Variants in LDB2 observed in about 807,000 individuals in gnomAD.
LDB2 encodes the protein LIM domain binding 2.
A neutral mutation model predicts 44.3 loss-of-function variants in LDB2; 12 were observed. The observed-to-expected ratio is 0.27, with a 90% CI of 0.17 to 0.44. The LOEUF is 0.44. LDB2 is among the 20% of genes least tolerant of loss of function. The pLI is 1.00. For synonymous variants in LDB2, 164 were observed against 174.8 expected, an observed-to-expected ratio of 0.94 and a Z score of 0.49; for missense variants, 344 against 473.5, an observed-to-expected ratio of 0.73 and a Z score of 2.54.
chr4:16,548,116 G>C (rs932955778), intron 5 of LDB2, among the ~76,000 whole-genome samples: 1 of 151,924 alleles, frequency 6.6e-6, no homozygotes, highest in East Asian at 1.9e-4. Context: ...GAGCCACTGT[G>C]CCTGGCCTCA....
intron 2 of LDB2, among the ~76,000 whole-genome samples, chr4:16,752,792 C>T (rs751474196): frequency 2.0e-5 from 3 of 151,954 alleles, no homozygotes; most frequent in African/African-American, 4.8e-5. Flanking sequence ...TCTCACATGC[C>T]TAACATCTGG....
Position 16,805,502 on chromosome 4 carries a change from A to G in LDB2, c.133-46242T>C, listed in dbSNP as rs139170388. On this transcript the variant is annotated intron_variant, in intron 1 of 7. Coordinates refer to ENST00000304523, the MANE Select transcript of LDB2 (RefSeq NM_001290.5). ...GGTGTCCAGTGTCTCCTGGGGAGGA[A>G]GAGGTGGAGAACAATGCACAGGCTC... 2.1e-3 allele frequency among the ~76,000 whole-genome samples: 318 copies of G among 152,312 alleles called. 3 individuals carry two copies. The highest frequency in any genetic ancestry group is 6.8e-3 in the Middle Eastern group (2 of 294).
intron 5 of LDB2, among the ~76,000 whole-genome samples, chr4:16,541,256 C>T (rs1012558525): frequency 1.3e-5 from 2 of 152,106 alleles, no homozygotes; most frequent in African/African-American, 2.4e-5. Flanking sequence ...CCACTTGGTG[C>T]TGTCCATAGT....
intron 2 of LDB2, among the ~76,000 whole-genome samples, chr4:16,608,057 A>G (rs1467717292): frequency 6.6e-6 from 1 of 152,088 alleles, no homozygotes; most frequent in Non-Finnish European, 1.5e-5. Context: ...ACTTTAAAAG[A>G]TTCATTTTTA....
At chr4:16,877,876 G>A (rs1264330746) in intron 1 of LDB2, among the ~76,000 whole-genome samples, 1 of 152,154 alleles carries the variant, frequency 6.6e-6, no homozygotes, top group African/African-American at 2.4e-5. Context: ...TAGGGAAAAG[G>A]AAGACAAACC....
intron 1 of LDB2, among the ~76,000 whole-genome samples, chr4:16,794,999 A>G (rs1001260667): frequency 3.3e-5 from 5 of 152,228 alleles, no homozygotes; most frequent in Non-Finnish European, 7.3e-5. Flanking sequence ...GACACAACCT[A>G]GTAGACAATC....
chr4:16,666,283 A>G (rs1300878311), intron 2 of LDB2, among the ~76,000 whole-genome samples: 1 of 152,216 alleles, frequency 6.6e-6, no homozygotes, highest in Non-Finnish European at 1.5e-5. Flanking sequence ...ACACGGGAGC[A>G]ATAATCAAGA....
intron 2 of LDB2, among the ~76,000 whole-genome samples, chr4:16,671,052 T>A (rs1044881500): frequency 6.6e-6 from 1 of 151,196 alleles, no homozygotes; most frequent in Admixed American, 6.6e-5. Flanking sequence ...GATCTTTAAC[T>A]GGATGATATT....
At chr4:16,757,170 C>T (rs915100689) in intron 2 of LDB2, among the ~76,000 whole-genome samples, 9 of 152,262 alleles carry the variant, frequency 5.9e-5, no homozygotes, top group Non-Finnish European at 1.0e-4. Context: ...AAACAGTGCA[C>T]GTCAGGCGTT....
intron 2 of LDB2, among the ~76,000 whole-genome samples, chr4:16,606,470 T>G (rs1039291345): frequency 1.3e-5 from 2 of 152,222 alleles, no homozygotes; most frequent in Non-Finnish European, 2.9e-5. Context: ...CCCACAACTT[T>G]CACCAACACT....
In LDB2 at chr4:16,741,174, G is replaced by A. The variant is rs117063944; in HGVS notation, c.235+17984C>T. Among the ~76,000 whole-genome samples, 39 of 152,320 alleles carry A rather than the reference G, an allele frequency of 2.6e-4. No individual in the cohort carries two copies. In the East Asian group the frequency reaches 6.0e-3, roughly 23 times the overall value. On this transcript the variant is annotated intron_variant, in intron 2 of 7. Coordinates refer to ENST00000304523, the MANE Select transcript of LDB2 (RefSeq NM_001290.5). Reference sequence around the variant, plus strand: ...TCTGCCTGTCATTCTGGGGCAGATCGTCGCATTTTGGAAAACTGTTGTTTT... The same window carrying A: ...TCTGCCTGTCATTCTGGGGCAGATCATCGCATTTTGGAAAACTGTTGTTTT...
At chr4:16,731,919 A>T (rs1760850014) in intron 2 of LDB2, among the ~76,000 whole-genome samples, 1 of 152,140 alleles carries the variant, frequency 6.6e-6, no homozygotes, top group South Asian at 2.1e-4. Flanking sequence ...TCTGAGGCAA[A>T]TCCACCACCT....
At chr4:16,844,062 G>A (rs1424793415) in intron 1 of LDB2, among the ~76,000 whole-genome samples, 1 of 147,926 alleles carries the variant, frequency 6.8e-6, no homozygotes, top group Non-Finnish European at 1.5e-5. Flanking sequence ...AGACCAGTCT[G>A]GGCAACATAG....
chr4:16,595,788 T>C lies in LDB2; in HGVS notation c.323A>G (p.Lys108Arg). ...TDLYYILKHS[K>R]ESYHNSSITV... ...GATGGATGAGTTGTGGTATGACTCT[T>C]TCGAGTGTTTGAGAATGTAATACAG... is the stretch of plus-strand genomic sequence containing the variant. Residue 108 changes from lysine to arginine, a missense_variant, in exon 3 of 8, where the codon AAA becomes AGA. Physicochemically the swap from Lys to Arg is conservative, Grantham distance 26. Coordinates refer to ENST00000304523, the MANE Select transcript of LDB2 (RefSeq NM_001290.5). 6.2e-7 allele frequency: 1 copy of C among 1,613,762 alleles called. No homozygotes were observed. Among genetic ancestry groups the C allele is most frequent in the Non-Finnish European group, 8.5e-7 (1 of 1,179,870 alleles).
At chr4:16,675,307 G>A (rs1452037509) in intron 2 of LDB2, among the ~76,000 whole-genome samples, 3 of 152,096 alleles carry the variant, frequency 2.0e-5, no homozygotes, top group Non-Finnish European at 2.9e-5. Flanking sequence ...TTAATTCTAT[G>A]CAATTTTATC....
chr4:16,808,820 T>C (rs1779253566), intron 1 of LDB2, among the ~76,000 whole-genome samples: 1 of 152,172 alleles, frequency 6.6e-6, no homozygotes, highest in African/African-American at 2.4e-5. Context: ...ATTACACGCA[T>C]TAGTACAGCA....
chr4:16,572,301 A>G (rs944536407), intron 5 of LDB2, among the ~76,000 whole-genome samples: 1 of 152,184 alleles, frequency 6.6e-6, no homozygotes, highest in African/African-American at 2.4e-5. Flanking sequence ...TCTGAGCTCC[A>G]TCTGCACTTA....
At chr4:16,686,459 G>A (rs540099401) in intron 2 of LDB2, among the ~76,000 whole-genome samples, 53 of 152,320 alleles carry the variant, frequency 3.5e-4, no homozygotes, top group African/African-American at 1.3e-3. Flanking sequence ...GAAAGACTAC[G>A]TGACCTCACA....
intron 5 of LDB2, among the ~76,000 whole-genome samples, chr4:16,558,017 A>T (rs1373121642): frequency 6.6e-6 from 1 of 152,232 alleles, no homozygotes; most frequent in African/African-American, 2.4e-5. Context: ...TGTCTGTTAG[A>T]AGGAAAACTA....
Sources: gnomAD v4.1 joint callset for allele counts (sites outside exome capture counted in the v4.1 genomes callset) on GRCh38, gnomAD v4.1.1 for gene constraint, MANE v1.5 for transcripts, NCBI Gene and HGNC (gene_info 2026-07-23, HGNC 2026-07-21) for gene names.